GPC5: variants seen among roughly 807,000 people sequenced by gnomAD.
The protein encoded by GPC5 is glypican-5.
GPC5 carries 47 observed loss-of-function variants against 53.9 expected under a neutral mutation model. The ratio of observed to expected loss-of-function variants is 0.87; its 90% confidence interval spans 0.69 to 1.11. The LOEUF is 1.11. Ranked by LOEUF, GPC5 falls within the 50% of genes most tolerant of loss-of-function variation. The pLI is 0.00. For synonymous variants in GPC5, 286 were observed against 263.3 expected, an observed-to-expected ratio of 1.09 and a Z score of -0.84; for missense variants, 748 against 713.1, an observed-to-expected ratio of 1.05 and a Z score of -0.56.
chr13:92,240,606 C>T (rs4773677), intron 7 of GPC5: 85,670 of 152,102 alleles, frequency 0.56, 24,369 homozygotes, highest in South Asian at 0.65. Context: ...CAGGTTTAAG[C>T]GATTCTCCTG....
chr13:92,457,099 G>T (rs573177474), intron 7 of GPC5, among the ~76,000 whole-genome samples: 4 of 152,002 alleles, frequency 2.6e-5, no homozygotes, highest in African/African-American at 9.7e-5. Flanking sequence ...AGAACATGCG[G>T]TATTTGGTTT....
intron 7 of GPC5, among the ~76,000 whole-genome samples, chr13:92,530,848 G>T (rs954363473): frequency 6.6e-6 from 1 of 151,978 alleles, no homozygotes; most frequent in African/African-American, 2.4e-5. Context: ...ATTGAGTTTG[G>T]TGAATCATTA....
At chr13:92,023,696 T>TACACACA (rs2040777987) in intron 6 of GPC5, among the ~76,000 whole-genome samples, 11 of 97,768 alleles carry the variant, frequency 1.1e-4, no homozygotes, top group Middle Eastern at 4.8e-3. Flanking sequence ...ACACACACAC[T>TACACACA]CTCTCTCTCT....
chr13:92,292,321 T>C (rs9523603), intron 7 of GPC5, among the ~76,000 whole-genome samples: 13,008 of 152,242 alleles, frequency 0.085, 616 homozygotes, highest in Middle Eastern at 0.12. Flanking sequence ...AAGTGTTCCC[T>C]GTTCACCTCA....
intron 7 of GPC5, among the ~76,000 whole-genome samples, chr13:92,693,988 G>A (rs1229535900): frequency 6.6e-6 from 1 of 152,188 alleles, no homozygotes; most frequent in African/African-American, 2.4e-5. Context: ...TTGGTGCCCT[G>A]CAACCCAGCA....
At chr13:91,750,710 C>T (rs959097889) in intron 4 of GPC5, among the ~76,000 whole-genome samples, 18 of 97,742 alleles carry the variant, frequency 1.8e-4, no homozygotes, top group African/African-American at 5.3e-4. Context: ...GATGGAGTTT[C>T]GCTCTTGCTG....
At chr13:91,460,377 A>C (rs1374665753) in intron 2 of GPC5, among the ~76,000 whole-genome samples, 1 of 151,670 alleles carries the variant, frequency 6.6e-6, no homozygotes, top group Non-Finnish European at 1.5e-5. Flanking sequence ...AGCTCACTGC[A>C]ACCTCCACTT....
At chr13:92,154,655 G>A (rs76554924) in intron 7 of GPC5, among the ~76,000 whole-genome samples, 2,829 of 152,136 alleles carry the variant, frequency 0.019, 88 homozygotes, top group African/African-American at 0.063. Flanking sequence ...TTGCCTTTGA[G>A]TCCTTTGAGA....
At chr13:91,463,854 G>T (rs567128956) in intron 2 of GPC5, among the ~76,000 whole-genome samples, 99 of 152,154 alleles carry the variant, frequency 6.5e-4, no homozygotes, top group African/African-American at 2.3e-3. Flanking sequence ...AGGTCTAGAA[G>T]AACAGTTCTT....
chr13:92,781,496 G>A (rs563326548), intron 7 of GPC5, among the ~76,000 whole-genome samples: 1 of 152,064 alleles, frequency 6.6e-6, no homozygotes, highest in Non-Finnish European at 1.5e-5. Context: ...TTGATGTACA[G>A]GTTTGTTTAG....
intron 6 of GPC5, among the ~76,000 whole-genome samples, chr13:91,982,883 A>G (rs1054011928): frequency 4.6e-5 from 7 of 152,194 alleles, no homozygotes; most frequent in African/African-American, 1.7e-4. Flanking sequence ...CTTCCGAGTC[A>G]GGGTAACCTT....
intron 7 of GPC5, among the ~76,000 whole-genome samples, chr13:92,223,101 G>A: frequency 6.6e-6 from 1 of 151,982 alleles, no homozygotes; most frequent in East Asian, 1.9e-4. Flanking sequence ...CAGGAAATGT[G>A]ACAATTAGAA....
intron 7 of GPC5, among the ~76,000 whole-genome samples, chr13:92,502,621 G>A (rs893743041): frequency 2.0e-4 from 31 of 152,030 alleles, no homozygotes; most frequent in African/African-American, 7.0e-4. Flanking sequence ...GACCAGAGAC[G>A]AAGAGGGACA....
intron 7 of GPC5, chr13:92,484,497 A>G (rs1879479755): frequency 6.6e-6 from 1 of 152,214 alleles, no homozygotes; most frequent in Admixed American, 6.5e-5. Flanking sequence ...CTGGCAGCTC[A>G]GTAGGTTTGT....
chr13:91,470,156 A>G (rs770265830), intron 2 of GPC5, among the ~76,000 whole-genome samples: 2 of 152,198 alleles, frequency 1.3e-5, no homozygotes, highest in Non-Finnish European at 2.9e-5. Context: ...AATTAAAAGC[A>G]TAGTAGCTTG....
At chr13:91,894,640 T>C (rs933005130) in intron 5 of GPC5, among the ~76,000 whole-genome samples, 1 of 152,192 alleles carries the variant, frequency 6.6e-6, no homozygotes, top group Non-Finnish European at 1.5e-5. Context: ...TGGTTGTGAC[T>C]TCCTTAGTGA....
intron 7 of GPC5, among the ~76,000 whole-genome samples, chr13:92,558,420 C>A (rs1192250182): frequency 6.6e-6 from 1 of 151,956 alleles, no homozygotes; most frequent in East Asian, 1.9e-4. Flanking sequence ...CAAAAGTGCA[C>A]ATAATTGCAT....
intron 2 of GPC5, among the ~76,000 whole-genome samples, chr13:91,506,459 T>C (rs971294705): frequency 6.6e-6 from 1 of 152,120 alleles, no homozygotes; most frequent in Non-Finnish European, 1.5e-5. Context: ...TATTTTATCT[T>C]GATTGTCTCT....
chr13:91,811,864 A>G (rs2038317007), intron 5 of GPC5, among the ~76,000 whole-genome samples: 1 of 152,216 alleles, frequency 6.6e-6, no homozygotes, highest in East Asian at 1.9e-4. Context: ...CATTGGTAAC[A>G]TCTTTCCTGA....
Sources: gnomAD v4.1 joint callset for allele counts (sites outside exome capture counted in the v4.1 genomes callset) on GRCh38, gnomAD v4.1.1 for gene constraint, MANE v1.5 for transcripts, NCBI Gene and HGNC (gene_info 2026-07-23, HGNC 2026-07-21) for gene names.